Variants in B4GALNT2 observed in about 807,000 individuals in gnomAD.
B4GALNT2 encodes the protein beta-1,4-N-acetyl-galactosaminyltransferase 2 (SID blood group).
A neutral mutation model predicts 51.1 loss-of-function variants in B4GALNT2; 42 were observed. The observed-to-expected ratio is 0.82, with a 90% CI of 0.64 to 1.06. The LOEUF (loss-of-function observed/expected upper bound fraction) is 1.06, where lower values mean the gene tolerates loss of function less well. Ranked by LOEUF, B4GALNT2 falls within the 50% of genes least tolerant of loss-of-function variation. B4GALNT2 has a pLI of 0.00. For missense variants in B4GALNT2, 602 were observed against 633.6 expected, an observed-to-expected ratio of 0.95 and a Z score of 0.54; for synonymous variants, 253 against 251.7, an observed-to-expected ratio of 1.01 and a Z score of -0.05.
intron 3 of B4GALNT2, among the ~76,000 whole-genome samples, chr17:49,145,646 G>A (rs2042687984): frequency 6.6e-6 from 1 of 152,052 alleles, no homozygotes; most frequent in Admixed American, 6.5e-5. Context: ...GAAGGGTCTG[G>A]GTCATTTGTA....
chr17:49,164,735 A>C (rs1212229217), intron 8 of B4GALNT2, among the ~76,000 whole-genome samples: 1 of 151,758 alleles, frequency 6.6e-6, no homozygotes, highest in Admixed American at 6.6e-5. Context: ...TCTTGTCCTT[A>C]GGTGATCCGC....
chr17:49,149,976 A>G (rs1007240171), intron 3 of B4GALNT2, among the ~76,000 whole-genome samples: 3 of 152,206 alleles, frequency 2.0e-5, no homozygotes, highest in Admixed American at 6.5e-5. Context: ...CCCTGATTGA[A>G]GCTGAGTATG....
In B4GALNT2 at chr17:49,166,200, G is replaced by A. The variant is rs756970220; in HGVS notation, c.1041G>A (p.Glu347=). 95 of 1,614,024 alleles carry A rather than the reference G, an allele frequency of 5.9e-5. No homozygotes were observed. Among genetic ancestry groups the A allele is most frequent in the Non-Finnish European group, 8.0e-5 (94 of 1,180,022 alleles). Residue 347 remains glutamate (E), a synonymous_variant, in exon 9 of 11, where the codon GAG becomes GAA. Coordinates refer to ENST00000393354, the MANE Select transcript of B4GALNT2 (RefSeq NM_001159387.2). ...LWVDDDFLFN[E]ETKIEVLVDV... ...TGGACGATGATTTTCTCTTCAACGA[G>A]GAGACCAAGATTGAGGTGCTGGTGG...
chr17:49,155,610 AT>A (rs1365609170), intron 4 of B4GALNT2, among the ~76,000 whole-genome samples: 19 of 148,806 alleles, frequency 1.3e-4, no homozygotes, highest in East Asian at 5.8e-4. Flanking sequence ...TCAAAAAAAA[AT>A]GTATATATAT....
chr17:49,165,513 T>A (rs1392929309), intron 8 of B4GALNT2, among the ~76,000 whole-genome samples: 9 of 93,658 alleles, frequency 9.6e-5, no homozygotes, highest in Non-Finnish European at 1.6e-4. Context: ...ACTGTCTCTC[T>A]CACTCCCCAC....
Position 49,173,805 on chromosome 17 carries a change from A to T in B4GALNT2, c.*4077A>T, listed in dbSNP as rs1224540343. On this transcript the variant is annotated 3_prime_UTR_variant, in exon 11 of 11. Coordinates refer to ENST00000393354, the MANE Select transcript of B4GALNT2 (RefSeq NM_001159387.2). Reference sequence around the variant, plus strand: ...CTTGAACAATAACACCAGTAGGTGAATGCCGAGTTGAAAAAATTAGCAAAT... The same window carrying T: ...CTTGAACAATAACACCAGTAGGTGATTGCCGAGTTGAAAAAATTAGCAAAT... 6.6e-6 allele frequency: 1 copy of T among 152,204 alleles called. No individual in the cohort carries two copies. 9.4% of individuals were successfully genotyped at this position (152,204 alleles called of 1,614,324 possible).
intron 7 of B4GALNT2, among the ~76,000 whole-genome samples, chr17:49,163,784 A>G (rs1303996686): frequency 6.6e-6 from 1 of 151,104 alleles, no homozygotes; most frequent in Non-Finnish European, 1.5e-5. Flanking sequence ...AAAAAGGAAG[A>G]AAGCAGGACA....
chr17:49,132,768 C>A, upstream of B4GALNT2: 1 of 1,387,774 alleles, frequency 7.2e-7, no homozygotes, highest in Non-Finnish European at 9.3e-7. Flanking sequence ...TGACATCCGG[C>A]AGTCTGAGGG....
At chr17:49,134,599 T>G (rs929079254) in intron 1 of B4GALNT2, among the ~76,000 whole-genome samples, 1 of 151,890 alleles carries the variant, frequency 6.6e-6, no homozygotes, top group Non-Finnish European at 1.5e-5. Flanking sequence ...TTTTATTTTA[T>G]TTTTTTTAGA....
chr17:49,167,331 A>G (rs2042919544), intron 9 of B4GALNT2, among the ~76,000 whole-genome samples: 1 of 152,222 alleles, frequency 6.6e-6, no homozygotes. Context: ...TAAGGATGTG[A>G]TGTAAACGTT....
At position 49,166,149 on chromosome 17, in the gene B4GALNT2, G is replaced by A; in HGVS notation, c.990G>A (p.Gln330=). 5.0e-6 allele frequency: 8 copies of A among 1,614,078 alleles called. No individual in the cohort carries two copies. The highest frequency in any genetic ancestry group is 6.8e-6 in the Non-Finnish European group (8 of 1,180,006). Reference sequence around the variant, plus strand: ...CTGGTAGGAACCTGGCCATATCTCAGGTCACCACCAAATACGTTCTCTGGG... The same window carrying A: ...CTGGTAGGAACCTGGCCATATCTCAAGTCACCACCAAATACGTTCTCTGGG... ...WFAGRNLAIS[Q]VTTKYVLWVD... Residue 330 remains glutamine, a synonymous_variant, in exon 9 of 11, where the codon CAG becomes CAA. Transcript: ENST00000393354.
At position 49,141,433 on chromosome 17, in the gene B4GALNT2, C is replaced by T. The variant is rs1454236720; in HGVS notation, c.201C>T (p.Ser67=). 1 of 1,614,094 alleles carries T rather than the reference C, an allele frequency of 6.2e-7. No homozygotes were observed. The highest frequency in any genetic ancestry group is 1.7e-5 in the Admixed American group (1 of 60,014). ...AGGAACGTCTCAGGAACCTCTTTTC[C>T]TACGATGGAATCTGGTGAGAGACTG... is the stretch of plus-strand genomic sequence containing the variant. ...LPEERLRNLF[S]YDGIWLFPKN... is the part of the protein sequence containing the mutation. Residue 67 remains serine, a synonymous_variant, in exon 2 of 11, where the codon TCC becomes TCT. Transcript: ENST00000393354.
At position 49,169,969 on chromosome 17, in the gene B4GALNT2, C is replaced by A. The variant is rs1246359268; in HGVS notation, c.*241C>A. 1 of 389,092 alleles carries A rather than the reference C, an allele frequency of 2.6e-6. No individual in the cohort carries two copies. Among genetic ancestry groups the A allele is most frequent in the East Asian group, 3.9e-5 (1 of 25,948 alleles). 24.1% of individuals were successfully genotyped at this position (389,092 alleles called of 1,614,324 possible). The stretch of plus-strand genomic sequence containing the variant: ...CAATGATGATTTGTACAATGCCCTG[C>A]CTTTTTTGAAGCATTTGCATGGGCA... On this transcript the variant is annotated 3_prime_UTR_variant, in exon 11 of 11. Coordinates refer to ENST00000393354, the MANE Select transcript of B4GALNT2 (RefSeq NM_001159387.2).
intron 7 of B4GALNT2, among the ~76,000 whole-genome samples, chr17:49,162,076 C>T (rs1463830166): frequency 6.6e-6 from 1 of 151,848 alleles, no homozygotes; most frequent in Non-Finnish European, 1.5e-5. Context: ...CAAGCTCCAC[C>T]TCCCGGGCTC....
At chr17:49,135,081 A>AT (rs1203170451) in intron 1 of B4GALNT2, among the ~76,000 whole-genome samples, 1 of 152,248 alleles carries the variant, frequency 6.6e-6, no homozygotes, top group African/African-American at 2.4e-5. Context: ...TGGCAGCACA[A>AT]AATGGATTAA....
At chr17:49,156,997 A>T (rs551476729) in intron 5 of B4GALNT2, among the ~76,000 whole-genome samples, 183 of 152,274 alleles carry the variant, frequency 1.2e-3, no homozygotes, top group African/African-American at 4.3e-3. Flanking sequence ...GCTATATCTG[A>T]TCAGTGGGAT....
chr17:49,132,027 A>G (rs999748125), upstream of B4GALNT2, among the ~76,000 whole-genome samples: 1 of 152,024 alleles, frequency 6.6e-6, no homozygotes, highest in African/African-American at 2.4e-5. Flanking sequence ...CTGTAGTCCT[A>G]GCTACTCGGA....
At chr17:49,160,446 A>T in intron 6 of B4GALNT2, 109 bp from the exon 7 acceptor site, 1 of 1,023,766 alleles carries the variant, frequency 9.8e-7, no homozygotes, top group Non-Finnish European at 1.5e-6. Flanking sequence ...CCCAACCAGG[A>T]CTCTCCCCAC....
chr17:49,132,353 T>C, upstream of B4GALNT2: 1 of 176,684 alleles, frequency 5.7e-6, no homozygotes, highest in Non-Finnish European at 1.2e-5. Context: ...TTCCAGTTCC[T>C]GGGGTCTTTT....
Sources: gnomAD v4.1 joint callset for allele counts (sites outside exome capture counted in the v4.1 genomes callset) on GRCh38, gnomAD v4.1.1 for gene constraint, MANE v1.5 for transcripts, NCBI Gene and HGNC (gene_info 2026-07-23, HGNC 2026-07-21) for gene names.